SPOPL: variants seen among roughly 807,000 people sequenced by gnomAD.
The protein encoded by SPOPL is speckle-type POZ protein-like.
A neutral mutation model predicts 53.8 loss-of-function variants in SPOPL; 23 were observed. That is an observed-to-expected ratio of 0.43 (90% CI 0.31 to 0.61). The LOEUF (loss-of-function observed/expected upper bound fraction) is 0.61. Among genes scored for constraint, SPOPL ranks in the 20% least tolerant of loss-of-function variants. The pLI, the probability that SPOPL is intolerant of heterozygous loss-of-function variation, is 0.12. For synonymous variants in SPOPL, 164 were observed against 149.7 expected (o/e 1.10, Z -0.70); for missense variants, 442 against 466.9 (o/e 0.95, Z 0.49).
intron 1 of SPOPL, among the ~76,000 whole-genome samples, chr2:138,547,207 C>T (rs911532608): frequency 6.6e-6 from 1 of 152,118 alleles, no homozygotes; most frequent in East Asian, 1.9e-4. Flanking sequence ...CTCAAGTGAT[C>T]CGCTTGCCTC....
At chr2:138,530,841 T>C (rs1226020771) in intron 1 of SPOPL, among the ~76,000 whole-genome samples, 1 of 152,070 alleles carries the variant, frequency 6.6e-6, no homozygotes, top group African/African-American at 2.4e-5. Context: ...GGATAGGACC[T>C]CTAGTACATG....
intron 5 of SPOPL, among the ~76,000 whole-genome samples, chr2:138,557,534 G>C (rs1298584501): frequency 6.6e-6 from 1 of 152,012 alleles, no homozygotes; most frequent in Non-Finnish European, 1.5e-5. Context: ...TGGTAGTTTA[G>C]CAAATTTATT....
intron 8 of SPOPL, 82 bp from the exon 9 acceptor site, chr2:138,564,626 A>C: frequency 6.8e-7 from 1 of 1,480,176 alleles, no homozygotes; most frequent in Non-Finnish European, 9.2e-7. Flanking sequence ...TTTTACCCTT[A>C]TTTTCCAAGT....
chr2:138,553,608 AAG>A (rs1407827654), intron 5 of SPOPL, among the ~76,000 whole-genome samples: 27 of 152,244 alleles, frequency 1.8e-4, no homozygotes, highest in African/African-American at 6.5e-4. Context: ...GTAAGTGTAT[AAG>A]ATTTCTTGGC....
At chr2:138,567,607 C>A (rs974683965) in intron 10 of SPOPL, among the ~76,000 whole-genome samples, 1 of 152,072 alleles carries the variant, frequency 6.6e-6, no homozygotes, top group Non-Finnish European at 1.5e-5. Flanking sequence ...TTAACAATCT[C>A]TGCATGCAGG....
intron 1 of SPOPL, among the ~76,000 whole-genome samples, chr2:138,504,220 C>T (rs1284672277): frequency 6.6e-6 from 1 of 152,106 alleles, no homozygotes; most frequent in African/African-American, 2.4e-5. Context: ...CTTGTGCCAC[C>T]ATGGAACATG....
chr2:138,505,288 A>G (rs1339855504), intron 1 of SPOPL, among the ~76,000 whole-genome samples: 2 of 152,172 alleles, frequency 1.3e-5, no homozygotes, highest in Non-Finnish European at 2.9e-5. Flanking sequence ...ATGATTAAAT[A>G]TTGAAGGCAT....
intron 1 of SPOPL, among the ~76,000 whole-genome samples, chr2:138,546,622 G>C (rs80280976): frequency 0.03 from 4,619 of 152,282 alleles, 123 homozygotes; most frequent in Middle Eastern, 0.075. Flanking sequence ...TGGAACAATA[G>C]GTAAGGCCTG....
intron 1 of SPOPL, among the ~76,000 whole-genome samples, chr2:138,516,147 C>T (rs1238100501): frequency 1.3e-5 from 2 of 152,092 alleles, no homozygotes; most frequent in Non-Finnish European, 2.9e-5. Context: ...TTCATCAGCT[C>T]AAAGAAGCAG....
chr2:138,509,309 G>A (rs185924765), intron 1 of SPOPL, among the ~76,000 whole-genome samples: 1 of 152,104 alleles, frequency 6.6e-6, no homozygotes, highest in East Asian at 1.9e-4. Flanking sequence ...AAAATATTTA[G>A]GGTTAACAAT....
intron 1 of SPOPL, among the ~76,000 whole-genome samples, chr2:138,519,436 A>AC (rs1327440633): frequency 6.6e-6 from 1 of 152,140 alleles, no homozygotes; most frequent in East Asian, 1.9e-4. Context: ...AAAAAAAAAA[A>AC]AACAACTCTG....
intron 1 of SPOPL, among the ~76,000 whole-genome samples, chr2:138,519,635 A>G (rs1684515419): frequency 6.6e-6 from 1 of 152,040 alleles, no homozygotes; most frequent in Admixed American, 6.6e-5. Flanking sequence ...CCCGTCCCAA[A>G]ACAGACATAA....
At chr2:138,539,046 A>G (rs1326070659) in intron 1 of SPOPL, among the ~76,000 whole-genome samples, 1 of 152,202 alleles carries the variant, frequency 6.6e-6, no homozygotes, top group African/African-American at 2.4e-5. Context: ...GACGGTTTCC[A>G]GCTTCATCCA....
chr2:138,516,898 T>C (rs932121490), intron 1 of SPOPL, among the ~76,000 whole-genome samples: 1 of 152,244 alleles, frequency 6.6e-6, no homozygotes, highest in African/African-American at 2.4e-5. Context: ...TTTACCTCCT[T>C]GACCTTATCT....
intron 5 of SPOPL, among the ~76,000 whole-genome samples, chr2:138,556,526 T>G (rs1209731572): frequency 6.6e-6 from 1 of 152,154 alleles, no homozygotes; most frequent in African/African-American, 2.4e-5. Context: ...GCTGTTAGGG[T>G]CTAAAGACCT....
Position 138,550,500 on chromosome 2 carries a change from T to G in SPOPL, c.96T>G (p.Phe32Leu). ...TCTCTTAGGTTAAAGTAGTAAAATT[T>G]TCCTATATGTGGACCATTAATAACT... ...WCYTQVKVVK[F>L]SYMWTINNFS... Residue 32 changes from phenylalanine to leucine, a missense_variant, in exon 3 of 11, where the codon TTT becomes TTG. Phe to Leu is a conservative substitution (Grantham distance 22, BLOSUM62 0). Coordinates refer to ENST00000280098, the MANE Select transcript of SPOPL (RefSeq NM_001001664.3). 2 of 1,607,776 alleles carry G rather than the reference T, an allele frequency of 1.2e-6. 1 individual carries two copies. The highest frequency in any genetic ancestry group is 2.2e-5 in the South Asian group (2 of 90,472).
rs1191257613 is a variant in SPOPL at position 138,570,210 on chromosome 2, A to G, written c.*1130A>G. 1 of 152,152 alleles carries G rather than the reference A, an allele frequency of 6.6e-6. No homozygotes were observed. Among genetic ancestry groups the G allele is most frequent in the African/African-American group, 2.4e-5 (1 of 41,434 alleles). The allele number at this position is 152,152 out of a possible 1,614,324, so 9.4% of individuals were successfully genotyped here. ...CTACTCTCCTTCAAACAATTAACTG[A>G]TACTTGCCTTTGGGAGATGCATACA... On this transcript the variant is annotated 3_prime_UTR_variant, in exon 11 of 11. Transcript: ENST00000280098.
intron 10 of SPOPL, among the ~76,000 whole-genome samples, chr2:138,565,674 G>A (rs1402582155): frequency 6.6e-6 from 1 of 151,744 alleles, no homozygotes; most frequent in South Asian, 2.1e-4. Context: ...GATTAGTTTT[G>A]CCTATAAACC....
chr2:138,512,663 G>A (rs1684351505), intron 1 of SPOPL, among the ~76,000 whole-genome samples: 2 of 152,096 alleles, frequency 1.3e-5, no homozygotes, highest in Admixed American at 1.3e-4. Context: ...AACAAAAATG[G>A]GTTAAGACCT....
Sources: gnomAD v4.1 joint callset for allele counts (sites outside exome capture counted in the v4.1 genomes callset) on GRCh38, gnomAD v4.1.1 for gene constraint, MANE v1.5 for transcripts, NCBI Gene and HGNC (gene_info 2026-07-23, HGNC 2026-07-21) for gene names.